DNPEP: variants seen among roughly 807,000 people sequenced by gnomAD.
DNPEP encodes aspartyl aminopeptidase.
In DNPEP, 46 loss-of-function variants were observed where a neutral mutation model predicts 59.1. The observed-to-expected ratio is 0.78, with a 90% CI of 0.61 to 0.99. DNPEP has a LOEUF of 0.99. Ranked by LOEUF, DNPEP falls within the 50% of genes least tolerant of loss-of-function variation. The pLI is 0.00. For synonymous variants in DNPEP, 229 were observed against 242.2 expected (o/e 0.95, Z 0.50); for missense variants, 617 against 649.9 (o/e 0.95, Z 0.55).
intron 1 of DNPEP, among the ~76,000 whole-genome samples, chr2:219,399,056 T>C (rs1954144352): frequency 6.6e-6 from 1 of 152,170 alleles, no homozygotes; most frequent in Non-Finnish European, 1.5e-5. Flanking sequence ...GTTTATTTAC[T>C]CCTTGCAAGC....
intron 13 of DNPEP, among the ~76,000 whole-genome samples, chr2:219,380,127 C>T (rs982400873): frequency 6.6e-6 from 1 of 152,004 alleles, no homozygotes; most frequent in Admixed American, 6.6e-5. Flanking sequence ...AAGCTCCATT[C>T]CTAAGTGCCC....
intron 13 of DNPEP, among the ~76,000 whole-genome samples, chr2:219,376,028 C>A (rs1030469766): frequency 1.3e-5 from 2 of 152,096 alleles, no homozygotes; most frequent in African/African-American, 4.8e-5. Context: ...GACATGTCTA[C>A]AATTTTTGTT....
chr2:219,383,149 T>C lies in DNPEP; in HGVS notation c.918A>G (p.Thr306=), dbSNP rs779962195. Residue 306 remains threonine, a synonymous_variant, in exon 10 of 15, where the codon ACA becomes ACG. Coordinates refer to ENST00000273075, the MANE Select transcript of DNPEP (RefSeq NM_012100.4). The stretch of plus-strand genomic sequence containing the variant: ...CACGTACCTCTTCGTTGTCATAGAG[T>C]GTGACCATGCGCACGTGAGGCTCTG... ...LATEPHVRMV[T]LYDNEEVGSE... The C allele has an allele frequency of 7.1e-5, 115 of 1,613,936 alleles. No individual in the cohort carries two copies. Among genetic ancestry groups the C allele is most frequent in the Non-Finnish European group, 9.4e-5 (111 of 1,179,990 alleles).
At chr2:219,375,384 A>G (rs1428112597) in intron 13 of DNPEP, among the ~76,000 whole-genome samples, 1 of 152,112 alleles carries the variant, frequency 6.6e-6, no homozygotes, top group Non-Finnish European at 1.5e-5. Flanking sequence ...GATTTTCTTT[A>G]TATTATGGTA....
intron 1 of DNPEP, chr2:219,399,798 C>A: frequency 7.6e-7 from 1 of 1,315,798 alleles, no homozygotes; most frequent in Admixed American, 2.1e-5. Context: ...GTGCGTGGCT[C>A]ATGGAAGGCT....
intron 11 of DNPEP, 118 bp from the exon 12 acceptor site, chr2:219,381,702 G>A: frequency 8.4e-7 from 1 of 1,190,636 alleles, no homozygotes; most frequent in Non-Finnish European, 1.3e-6. Context: ...CAGCCCAGTG[G>A]GACTTCAGAG....
chr2:219,387,351 G>A, intron 1 of DNPEP, 188 bp from the exon 2 acceptor site: 1 of 1,441,018 alleles, frequency 6.9e-7, no homozygotes, highest in East Asian at 2.5e-5. Context: ...CAGCCCGCCG[G>A]CCCAGGATCA....
At chr2:219,378,667 T>C (rs1450664677) in intron 13 of DNPEP, among the ~76,000 whole-genome samples, 2 of 152,170 alleles carry the variant, frequency 1.3e-5, no homozygotes, top group African/African-American at 2.4e-5. Context: ...CAGTCAAAGA[T>C]AGACTACATA....
intron 13 of DNPEP, among the ~76,000 whole-genome samples, chr2:219,378,040 T>C (rs1326833005): frequency 6.6e-6 from 1 of 152,114 alleles, no homozygotes; most frequent in African/African-American, 2.4e-5. Flanking sequence ...AAAGTGTATA[T>C]GAAGTTTATG....
chr2:219,384,717 C>T (rs1025666645), intron 8 of DNPEP: 15 of 298,456 alleles, frequency 5.0e-5, no homozygotes, highest in East Asian at 9.2e-5. Flanking sequence ...TACAGGCATG[C>T]ACCACCAGGC....
chr2:219,384,393 A>G lies in DNPEP; in HGVS notation c.825T>C (p.Asn275=). The G allele has an allele frequency of 6.2e-7, 1 of 1,611,584 alleles. No homozygotes were observed. The highest frequency in any genetic ancestry group is 8.5e-7 in the Non-Finnish European group (1 of 1,178,914). The stretch of plus-strand genomic sequence containing the variant: ...GCAGGGCACAGAAGCAGCTGTGCAG[A>G]TTGTCCAGCCGAGGAGCAAAGATGA... ...DEFIFAPRLD[N]LHSCFCALQA... is the part of the protein sequence containing the mutation. The change falls in exon 9 of 15, where the codon AAT becomes AAC. Residue 275 remains asparagine, a synonymous_variant. Coordinates refer to ENST00000273075, the MANE Select transcript of DNPEP (RefSeq NM_012100.4).
Position 219,373,722 on chromosome 2 carries a change from C to A in DNPEP, c.*570G>T, listed in dbSNP as rs924552027. 1 of 152,488 alleles carries A rather than the reference C, an allele frequency of 6.6e-6. No homozygotes were observed. The highest frequency in any genetic ancestry group is 1.5e-5 in the Non-Finnish European group (1 of 68,266). 9.4% of individuals were successfully genotyped at this position (152,488 alleles called of 1,614,324 possible). The stretch of plus-strand genomic sequence containing the variant: ...ATCTTTTTTCCTGATAATATGTTCA[C>A]AATCAAGTAATACCAGGGACTGCTG... On this transcript the variant is annotated 3_prime_UTR_variant, in exon 15 of 15. Coordinates refer to ENST00000273075, the MANE Select transcript of DNPEP (RefSeq NM_012100.4).
intron 9 of DNPEP, 102 bp from the exon 10 acceptor site, chr2:219,383,316 C>A: frequency 1.1e-6 from 1 of 932,222 alleles, no homozygotes; most frequent in Non-Finnish European, 1.7e-6. Flanking sequence ...CCACCAGCAC[C>A]TTGGGTGTGC....
intron 10 of DNPEP, among the ~76,000 whole-genome samples, chr2:219,382,341 G>A (rs1953639239): frequency 6.6e-6 from 1 of 152,176 alleles, no homozygotes. Context: ...AACAGTACTG[G>A]TGGGTTTCCT....
chr2:219,374,843 G>C lies in DNPEP; in HGVS notation c.1407+12C>G. 4.3e-6 allele frequency: 7 copies of C among 1,609,678 alleles called. No homozygotes were observed. Among genetic ancestry groups the C allele is most frequent in the Non-Finnish European group, 6.0e-6 (7 of 1,176,326 alleles). ...AGCCCAGCTGCCAGAGAGGGTCTGG[G>C]GTGGGTGTTACCTTGAAGAGGGTGA... is the stretch of plus-strand genomic sequence containing the variant. On this transcript the variant is annotated intron_variant, in intron 14 of 14. Coordinates refer to ENST00000273075, the MANE Select transcript of DNPEP (RefSeq NM_012100.4).
chr2:219,390,970 C>G (rs1455704005), upstream of DNPEP, among the ~76,000 whole-genome samples: 3 of 152,166 alleles, frequency 2.0e-5, no homozygotes, highest in African/African-American at 7.2e-5. Flanking sequence ...GCTAAAGCAA[C>G]TCCATCTGGG....
chr2:219,399,919 G>T (rs531232509), intron 1 of DNPEP: 2 of 1,550,524 alleles, frequency 1.3e-6, no homozygotes, highest in Non-Finnish European at 8.7e-7. Flanking sequence ...GAGAGGCTCC[G>T]AGCCATGGTG....
In DNPEP at chr2:219,373,240, G is replaced by C. The variant is rs1264863193; in HGVS notation, c.*1052C>G. ...TGTGCCACCACGCCCGGCTAATTTT[G>C]TATTTTTAGCAGGGACAGGGTTTCT... On this transcript the variant is annotated 3_prime_UTR_variant, in exon 15 of 15. Transcript: ENST00000273075. Among the ~76,000 whole-genome samples, 3 of 150,484 alleles carry C rather than the reference G, an allele frequency of 2.0e-5. No individual in the cohort carries two copies. Among genetic ancestry groups the C allele is most frequent in the Non-Finnish European group, 4.4e-5 (3 of 67,846 alleles).
intron 1 of DNPEP, among the ~76,000 whole-genome samples, chr2:219,397,437 C>T (rs973105657): frequency 1.3e-5 from 2 of 152,058 alleles, no homozygotes; most frequent in African/African-American, 4.8e-5. Context: ...GTGATCTTGG[C>T]TCACTGCAAC....
Sources: gnomAD v4.1 joint callset for allele counts (sites outside exome capture counted in the v4.1 genomes callset) on GRCh38, gnomAD v4.1.1 for gene constraint, MANE v1.5 for transcripts, NCBI Gene and HGNC (gene_info 2026-07-23, HGNC 2026-07-21) for gene names.